LRRC28: variants seen among roughly 807,000 people sequenced by gnomAD.
LRRC28 encodes the protein leucine-rich repeat-containing protein 28.
LRRC28 carries 39 observed loss-of-function variants against 45.7 expected under a neutral mutation model. That is an observed-to-expected ratio of 0.85 (90% CI 0.66 to 1.12). The LOEUF (loss-of-function observed/expected upper bound fraction) is 1.12. Among genes scored for constraint, LRRC28 ranks in the 50% most tolerant of loss-of-function variants. The probability of loss-of-function intolerance (pLI) is 0.00; values close to 1 mark genes in which losing one functional copy is unlikely to be tolerated. For synonymous variants in LRRC28, 206 were observed against 178.8 expected (o/e 1.15, Z -1.22); for missense variants, 435 against 438.5 (o/e 0.99, Z 0.07).
chr15:99,280,308 G>GT (rs1287164188), intron 3 of LRRC28, among the ~76,000 whole-genome samples: 1 of 151,926 alleles, frequency 6.6e-6, no homozygotes, highest in African/African-American at 2.4e-5. Context: ...ATGAGGTCCA[G>GT]TTTATCATTT....
At chr15:99,308,449 T>C (rs1417562319) in intron 5 of LRRC28, among the ~76,000 whole-genome samples, 8 of 152,148 alleles carry the variant, frequency 5.3e-5, no homozygotes, top group Admixed American at 3.3e-4. Flanking sequence ...GGAGGATCGC[T>C]TAAGCTAGGA....
At chr15:99,356,711 A>G (rs1200320747) in intron 7 of LRRC28, among the ~76,000 whole-genome samples, 1 of 152,270 alleles carries the variant, frequency 6.6e-6, no homozygotes, top group Non-Finnish European at 1.5e-5. Context: ...AAGCATAGCA[A>G]ATCCTAAGCA....
intron 5 of LRRC28, among the ~76,000 whole-genome samples, chr15:99,317,021 G>A (rs761292033): frequency 1.6e-4 from 24 of 151,370 alleles, no homozygotes; most frequent in South Asian, 1.0e-3. Context: ...TTTTGGAGAG[G>A]TGGGGAAGGT....
chr15:99,351,548 C>T (rs750442043), intron 6 of LRRC28, among the ~76,000 whole-genome samples: 7 of 152,108 alleles, frequency 4.6e-5, no homozygotes, highest in Admixed American at 2.0e-4. Context: ...TCACACCTCA[C>T]GGGACTGGGA....
chr15:99,374,848 T>A (rs1318445009), intron 9 of LRRC28, among the ~76,000 whole-genome samples: 2 of 151,844 alleles, frequency 1.3e-5, no homozygotes, highest in Non-Finnish European at 2.9e-5. Flanking sequence ...TTTTTTTTTT[T>A]AGTAGAGACA....
At chr15:99,374,680 C>CT (rs796137860) in intron 9 of LRRC28, among the ~76,000 whole-genome samples, 3,133 of 145,394 alleles carry the variant, frequency 0.022, 83 homozygotes, top group African/African-American at 0.068. Flanking sequence ...GTTCCAATCT[C>CT]TTTTTTTTTT....
chr15:99,373,857 T>A (rs1217522234), intron 9 of LRRC28, among the ~76,000 whole-genome samples: 1 of 152,224 alleles, frequency 6.6e-6, no homozygotes, highest in African/African-American at 2.4e-5. Context: ...GCTTTTTGTG[T>A]TCTAAGAAAT....
chr15:99,254,593 C>G (rs949121661), intron 1 of LRRC28, among the ~76,000 whole-genome samples: 9 of 152,196 alleles, frequency 5.9e-5, no homozygotes, highest in African/African-American at 1.9e-4. Flanking sequence ...TCCTTAGTAT[C>G]CTGTGGAATC....
At chr15:99,251,966 C>T (rs2080817506) in intron 1 of LRRC28, 1 of 152,216 alleles carries the variant, frequency 6.6e-6, no homozygotes, top group Non-Finnish European at 1.5e-5. Flanking sequence ...GCGTATTCTA[C>T]TAAATTGAGT....
intron 2 of LRRC28, among the ~76,000 whole-genome samples, chr15:99,270,410 A>G (rs917694367): frequency 6.6e-6 from 1 of 151,978 alleles, no homozygotes; most frequent in African/African-American, 2.4e-5. Flanking sequence ...CCCATTAAGC[A>G]GTTCCTCCCC....
chr15:99,347,398 A>G (rs920737338), intron 6 of LRRC28, among the ~76,000 whole-genome samples: 2 of 151,970 alleles, frequency 1.3e-5, no homozygotes, highest in South Asian at 2.1e-4. Context: ...TTTAGTAGAG[A>G]CGGTTCCACC....
chr15:99,315,005 A>G (rs1955544316), intron 5 of LRRC28, among the ~76,000 whole-genome samples: 1 of 152,190 alleles, frequency 6.6e-6, no homozygotes, highest in African/African-American at 2.4e-5. Flanking sequence ...TTATTTACAT[A>G]GGGTGTTATT....
At chr15:99,324,182 G>A (rs1955893464) in intron 5 of LRRC28, among the ~76,000 whole-genome samples, 1 of 152,134 alleles carries the variant, frequency 6.6e-6, no homozygotes, top group Admixed American at 6.6e-5. Context: ...TGACTAATGG[G>A]CGAGGAGGGT....
At chr15:99,336,624 C>G (rs1956331366) in intron 6 of LRRC28, among the ~76,000 whole-genome samples, 1 of 152,176 alleles carries the variant, frequency 6.6e-6, no homozygotes, top group Non-Finnish European at 1.5e-5. Flanking sequence ...CTAGCGCTTT[C>G]TCTCACCTAC....
At chr15:99,255,455 A>G (rs1045845197) in intron 1 of LRRC28, among the ~76,000 whole-genome samples, 1 of 152,130 alleles carries the variant, frequency 6.6e-6, no homozygotes, top group Non-Finnish European at 1.5e-5. Flanking sequence ...AAATGAAGCT[A>G]TTAGTGCTCT....
intron 5 of LRRC28, among the ~76,000 whole-genome samples, chr15:99,304,133 C>T (rs573111515): frequency 2.0e-5 from 3 of 152,160 alleles, no homozygotes; most frequent in African/African-American, 4.8e-5. Flanking sequence ...ACAGCCATGT[C>T]CATTCGTTTA....
At chr15:99,333,730 A>G (rs1956229401) in intron 5 of LRRC28, 193 bp from the exon 6 acceptor site, 2 of 617,858 alleles carry the variant, frequency 3.2e-6, no homozygotes, top group Non-Finnish European at 5.7e-6. Flanking sequence ...AAATGTTGGC[A>G]GGGTAATTTA....
chr15:99,360,062 A>C (rs1160989636), intron 7 of LRRC28, among the ~76,000 whole-genome samples: 1 of 152,184 alleles, frequency 6.6e-6, no homozygotes, highest in Admixed American at 6.5e-5. Flanking sequence ...AAAACAAAAC[A>C]AAACAAAGAA....
At chr15:99,254,988 A>T (rs1296364187) in intron 1 of LRRC28, among the ~76,000 whole-genome samples, 1 of 152,160 alleles carries the variant, frequency 6.6e-6, no homozygotes, top group African/African-American at 2.4e-5. Context: ...TTCTTCTTTC[A>T]TTGAAATAAT....
Sources: gnomAD v4.1 joint callset for allele counts (sites outside exome capture counted in the v4.1 genomes callset) on GRCh38, gnomAD v4.1.1 for gene constraint, MANE v1.5 for transcripts, NCBI Gene and HGNC (gene_info 2026-07-23, HGNC 2026-07-21) for gene names.